FUBP1: variants seen among roughly 807,000 people sequenced by gnomAD.
FUBP1 encodes the protein far upstream element binding protein 1.
In FUBP1, 16 loss-of-function variants were observed where a neutral mutation model predicts 94.9. That is an observed-to-expected ratio of 0.17 (90% CI 0.11 to 0.26). FUBP1 has a LOEUF of 0.26. Among genes scored for constraint, FUBP1 ranks in the 10% least tolerant of loss-of-function variants. FUBP1 has a pLI of 1.00. For synonymous variants in FUBP1, 279 were observed against 254.9 expected, an observed-to-expected ratio of 1.09 and a Z score of -0.90; for missense variants, 583 against 808.6, an observed-to-expected ratio of 0.72 and a Z score of 3.38.
rs776093623 is a variant in FUBP1 at position 77,963,559 on chromosome 1, T to A, written c.1183+15A>T. On this transcript the variant is annotated intron_variant, in intron 13 of 19. Transcript: ENST00000370768. ...GAATAATGTGTTAAAACATTAAGAG[T>A]TTAAAATACATTGCCTTTTCCTATT... is the stretch of plus-strand genomic sequence containing the variant. The A allele has an allele frequency of 2.1e-5, 32 of 1,488,850 alleles. No individual in the cohort carries two copies. In the South Asian group the frequency reaches 3.7e-4, roughly 17 times the overall value. 92.2% of individuals were successfully genotyped at this position (1,488,850 alleles called of 1,614,324 possible). A position where few individuals can be genotyped will look rare whatever the true frequency, so the allele number is the denominator to read the frequency against.
At chr1:77,966,186 T>C (rs953675162) in intron 7 of FUBP1, among the ~76,000 whole-genome samples, 11 of 152,216 alleles carry the variant, frequency 7.2e-5, no homozygotes, top group Middle Eastern at 3.4e-3. Context: ...TGAAGGCTGG[T>C]AGGTTTAGTG....
intron 14 of FUBP1, among the ~76,000 whole-genome samples, chr1:77,961,941 C>G (rs537046824): frequency 3.5e-4 from 54 of 152,304 alleles, no homozygotes; most frequent in African/African-American, 1.2e-3. Context: ...TTTTGTACAT[C>G]TATTTTTGTC....
rs751346550 is a variant in FUBP1 at position 77,944,211 on chromosome 1, C to T, written c.*4555G>A. 13 of 201,282 alleles carry T rather than the reference C, an allele frequency of 6.5e-5. No homozygotes were observed. The highest frequency in any genetic ancestry group is 1.1e-4 in the Non-Finnish European group (11 of 97,384). 12.5% of individuals were successfully genotyped at this position (201,282 alleles called of 1,614,324 possible). On this transcript the variant is annotated 3_prime_UTR_variant, in exon 20 of 20. Coordinates refer to ENST00000370768, the MANE Select transcript of FUBP1 (RefSeq NM_003902.5). ...AAGTCCAAGCTGCATCTCCCTAAGA[C>T]ACTGTTCCCATCACAGTAGCCATTT...
intron 7 of FUBP1, among the ~76,000 whole-genome samples, 191 bp downstream of exon 7, chr1:77,966,502 GT>G (rs1656525769): frequency 6.6e-6 from 1 of 152,202 alleles, no homozygotes; most frequent in Non-Finnish European, 1.5e-5. Flanking sequence ...CATTTTCTGT[GT>G]TTAATGATTC....
chr1:77,972,716 C>T (rs1481491503), intron 1 of FUBP1, among the ~76,000 whole-genome samples: 1 of 151,148 alleles, frequency 6.6e-6, no homozygotes, highest in African/African-American at 2.4e-5. Context: ...GAGCCAAGAT[C>T]GCACCACTGC....
At chr1:77,951,283 A>C (rs1317477181) in intron 18 of FUBP1, among the ~76,000 whole-genome samples, 5 of 152,238 alleles carry the variant, frequency 3.3e-5, no homozygotes, top group Non-Finnish European at 5.9e-5. Context: ...AAAAAACTAC[A>C]ACCTCTGCAA....
At position 77,964,717 on chromosome 1, in the gene FUBP1, G is replaced by A. The variant is rs372081866; in HGVS notation, c.766C>T (p.Arg256Cys). The A allele has an allele frequency of 1.1e-5, 17 of 1,612,514 alleles. No homozygotes were observed. Among genetic ancestry groups the A allele is most frequent in the Middle Eastern group, 1.6e-4 (1 of 6,082 alleles). Residue 256 changes from arginine to cysteine, a missense_variant, in exon 10 of 20, where the codon CGT becomes TGT. Transcript: ENST00000370768. ...ACTTCTCTGAAACCGCCTTGATCAC[G>A]AATTAACTCTAACACCATTTCCTTG... ...QAKEMVLELIRDQGGFREVRN... is the reference protein window; with the variant it reads ...QAKEMVLELICDQGGFREVRN...
At chr1:77,975,344 A>G (rs1047820185) in intron 1 of FUBP1, among the ~76,000 whole-genome samples, 1 of 152,218 alleles carries the variant, frequency 6.6e-6, no homozygotes, top group African/African-American at 2.4e-5. Context: ...AAGCCTTGCT[A>G]AACTGTCACA....
intron 1 of FUBP1, among the ~76,000 whole-genome samples, chr1:77,972,280 CAAG>C (rs1325612325): frequency 6.6e-6 from 1 of 152,034 alleles, no homozygotes; most frequent in African/African-American, 2.4e-5. Context: ...ATGGTGCTAC[CAAG>C]AATAGGAAAC....
chr1:77,963,864 A>C (rs1655992938), intron 12 of FUBP1, 149 bp from the exon 13 acceptor site: 5 of 722,246 alleles, frequency 6.9e-6, no homozygotes, highest in Non-Finnish European at 1.1e-5. Flanking sequence ...AACATTTTTT[A>C]AAATACAAGA....
intron 19 of FUBP1, 151 bp from the exon 20 acceptor site, chr1:77,948,925 A>G (rs1157038890): frequency 3.6e-6 from 4 of 1,123,786 alleles, no homozygotes; most frequent in Non-Finnish European, 5.3e-6. Flanking sequence ...CTGGGGGAAG[A>G]AAATTTATTT....
intron 5 of FUBP1, 43 bp downstream of exon 5, chr1:77,967,006 G>A: frequency 6.6e-7 from 1 of 1,526,618 alleles, no homozygotes; most frequent in Admixed American, 1.7e-5. Context: ...TCTAAAGTAT[G>A]TTTTGATCAT....
At chr1:77,966,499 T>C (rs999262105) in intron 7 of FUBP1, among the ~76,000 whole-genome samples, 195 bp downstream of exon 7, 13 of 152,212 alleles carry the variant, frequency 8.5e-5, no homozygotes, top group Non-Finnish European at 1.2e-4. Flanking sequence ...AACCATTTTC[T>C]GTGTTTAATG....
chr1:77,970,736 C>A (rs1410175539), intron 1 of FUBP1, among the ~76,000 whole-genome samples: 1 of 152,146 alleles, frequency 6.6e-6, no homozygotes, highest in Non-Finnish European at 1.5e-5. Flanking sequence ...TTGCACCTGA[C>A]TGAACCAATT....
chr1:77,971,307 A>C (rs1657494237), intron 1 of FUBP1, among the ~76,000 whole-genome samples: 6 of 152,322 alleles, frequency 3.9e-5, no homozygotes, highest in Admixed American at 3.9e-4. Flanking sequence ...GTATATTTGA[A>C]ATCTTCCATG....
At chr1:77,967,818 A>G (rs1656791842) in intron 3 of FUBP1, 152 bp from the exon 4 acceptor site, 1 of 575,928 alleles carries the variant, frequency 1.7e-6, no homozygotes, top group Non-Finnish European at 3.0e-6. Context: ...CAATATTTAT[A>G]TTGGCATTGA....
Position 77,948,535 on chromosome 1 carries a change from TCTACA to T in FUBP1, c.*226_*230del. ...AAATACATTTGCTGGAATGTGTACA[TCTACA>T]CTAAATACTAAAAACAAACCAATTT... is the stretch of plus-strand genomic sequence containing the variant. On this transcript the variant is annotated 3_prime_UTR_variant, in exon 20 of 20. Coordinates refer to ENST00000370768, the MANE Select transcript of FUBP1 (RefSeq NM_003902.5). The T allele has an allele frequency of 7.7e-7, 1 of 1,293,578 alleles. No homozygotes were observed. Among genetic ancestry groups the T allele is most frequent in the Non-Finnish European group, 9.9e-7 (1 of 1,011,252 alleles). The allele number at this position is 1,293,578 out of a possible 1,614,324, so 80.1% of individuals were successfully genotyped here. A position where few individuals can be genotyped will look rare whatever the true frequency, so the allele number is the denominator to read the frequency against.
Position 77,944,425 on chromosome 1 carries a change from A to T in FUBP1, c.*4341T>A, listed in dbSNP as rs1384270522. On this transcript the variant is annotated 3_prime_UTR_variant, in exon 20 of 20. Coordinates refer to ENST00000370768, the MANE Select transcript of FUBP1 (RefSeq NM_003902.5). ...ATTTGCTTATTAAAAGCACCAATTT[A>T]AAAAAATCCCTCAAAAGCTTATATT... Among the ~76,000 whole-genome samples, 5 of 151,886 alleles carry T rather than the reference A, an allele frequency of 3.3e-5. No individual in the cohort carries two copies. Among genetic ancestry groups the T allele is most frequent in the South Asian group, 2.1e-4 (1 of 4,834 alleles).
At chr1:77,949,084 A>C in intron 19 of FUBP1, 71 bp downstream of exon 19, 2 of 1,411,738 alleles carry the variant, frequency 1.4e-6, no homozygotes, top group Non-Finnish European at 2.0e-6. Flanking sequence ...AAACACTCCC[A>C]AACAGACAAA....
Sources: gnomAD v4.1 joint callset for allele counts (sites outside exome capture counted in the v4.1 genomes callset) on GRCh38, gnomAD v4.1.1 for gene constraint, MANE v1.5 for transcripts, NCBI Gene and HGNC (gene_info 2026-07-23, HGNC 2026-07-21) for gene names.